The following RXFP2 variants were observed in gnomAD, a reference collection of about 807,000 sequenced individuals.
RXFP2 encodes the protein relaxin family peptide receptor 2, also known as relaxin receptor 2.
A neutral mutation model predicts 88.6 loss-of-function variants in RXFP2; 68 were observed. The observed-to-expected ratio is 0.77, with a 90% CI of 0.63 to 0.94. The LOEUF is 0.94. Among genes scored for constraint, RXFP2 ranks in the 40% least tolerant of loss-of-function variants. The pLI is 0.00. For missense variants in RXFP2, 791 were observed against 893.9 expected, an observed-to-expected ratio of 0.88 and a Z score of 1.47; for synonymous variants, 329 against 306.8, an observed-to-expected ratio of 1.07 and a Z score of -0.76.
chr13:31,782,538 T>A (rs2138441739), intron 10 of RXFP2, 138 bp from the exon 11 acceptor site: 1 of 708,442 alleles, frequency 1.4e-6, no homozygotes, highest in Admixed American at 2.0e-5. Flanking sequence ...TGCCTTAGTT[T>A]CCACTCCAAA....
At chr13:31,792,162 T>G (rs78284646) in intron 15 of RXFP2, 127 bp downstream of exon 15, 1 of 733,152 alleles carries the variant, frequency 1.4e-6, no homozygotes, top group Non-Finnish European at 2.2e-6. Context: ...GGGCACATTT[T>G]TTTTTCTAAA....
At chr13:31,759,395 A>G in intron 2 of RXFP2, among the ~76,000 whole-genome samples, 1 of 145,570 alleles carries the variant, frequency 6.9e-6, no homozygotes, top group African/African-American at 2.5e-5. Context: ...GAAAGAAAGA[A>G]AGAAAGAAAG....
rs192582091 is a variant in RXFP2 at position 31,789,009 on chromosome 13, A to T, written c.1074-113A>T. The T allele has an allele frequency of 2.6e-4, 194 of 748,640 alleles. No individual in the cohort carries two copies. In the African/African-American group the frequency reaches 2.9e-3, roughly 11 times the overall value. The allele number at this position is 748,640 out of a possible 1,614,324, so 46.4% of individuals were successfully genotyped here. ...AGTGTACTGTAAAACTTTCATTCTA[A>T]TCTGCATTGGTAACATAAGATCTTG... is the stretch of plus-strand genomic sequence containing the variant. On this transcript the variant is annotated intron_variant, in intron 13 of 17. Coordinates refer to ENST00000298386, the MANE Select transcript of RXFP2 (RefSeq NM_130806.5).
chr13:31,744,241 T>C (rs1871320332), intron 1 of RXFP2, among the ~76,000 whole-genome samples: 1 of 152,174 alleles, frequency 6.6e-6, no homozygotes, highest in African/African-American at 2.4e-5. Flanking sequence ...TTGTCTACAA[T>C]TCTAAAATCC....
intron 16 of RXFP2, among the ~76,000 whole-genome samples, chr13:31,796,474 T>C (rs1319592456): frequency 6.6e-6 from 1 of 152,116 alleles, no homozygotes; most frequent in Non-Finnish European, 1.5e-5. Flanking sequence ...GGGTTGTTTT[T>C]ATTTTTTGAG....
At chr13:31,742,634 A>G (rs1203855409) in intron 1 of RXFP2, among the ~76,000 whole-genome samples, 1 of 152,210 alleles carries the variant, frequency 6.6e-6, no homozygotes, top group Non-Finnish European at 1.5e-5. Context: ...GTGAATAAAT[A>G]TGACCAGATG....
intron 1 of RXFP2, among the ~76,000 whole-genome samples, chr13:31,751,978 A>T (rs1566214461): frequency 6.6e-6 from 1 of 152,222 alleles, no homozygotes; most frequent in Non-Finnish European, 1.5e-5. Context: ...TTTACCAGTC[A>T]GCAGAAATAA....
chr13:31,789,528 G>A (rs933036436), intron 14 of RXFP2, among the ~76,000 whole-genome samples: 3 of 152,206 alleles, frequency 2.0e-5, no homozygotes, highest in African/African-American at 7.2e-5. Flanking sequence ...TCTCATGAAT[G>A]AGCAGTCGGC....
chr13:31,764,042 T>C (rs527449710), intron 3 of RXFP2, among the ~76,000 whole-genome samples: 60 of 152,202 alleles, frequency 3.9e-4, no homozygotes, highest in Non-Finnish European at 6.9e-4. Context: ...AAAAGTGATC[T>C]AAAAGAAGAA....
chr13:31,774,511 A>G, intron 5 of RXFP2, 109 bp from the exon 6 acceptor site: 2 of 745,744 alleles, frequency 2.7e-6, no homozygotes, highest in Non-Finnish European at 4.9e-6. Context: ...AGGACTTCGT[A>G]CTTCAATTTC....
At chr13:31,764,257 A>T (rs1330061524) in intron 3 of RXFP2, among the ~76,000 whole-genome samples, 3 of 145,950 alleles carry the variant, frequency 2.1e-5, no homozygotes, top group African/African-American at 7.5e-5. Flanking sequence ...ACACACACAC[A>T]CACACACACA....
In RXFP2 at chr13:31,793,064, G is replaced by C; in HGVS notation, c.1762G>C (p.Gly588Arg). ...CCAAACAGAAGATATTGGAAGCAAA[G>C]GGTATTCTCTTGGAATTTTCCTAGG... is the stretch of plus-strand genomic sequence containing the variant. The part of the protein sequence containing the change: ...YDQTEDIGSK[G>R]YSLGIFLGVN... Residue 588 changes from glycine to arginine, a missense_variant, in exon 16 of 18, where the codon GGG becomes CGG. Coordinates refer to ENST00000298386, the MANE Select transcript of RXFP2 (RefSeq NM_130806.5). The C allele has an allele frequency of 6.2e-7, 1 of 1,612,766 alleles. No homozygotes were observed.
At chr13:31,785,769 A>G (rs1873507869) in intron 11 of RXFP2, among the ~76,000 whole-genome samples, 1 of 152,146 alleles carries the variant, frequency 6.6e-6, no homozygotes, top group African/African-American at 2.4e-5. Context: ...TCTGATTTTA[A>G]CAGGTCTCTT....
intron 14 of RXFP2, among the ~76,000 whole-genome samples, chr13:31,790,449 G>A (rs1873740096): frequency 6.6e-6 from 1 of 152,226 alleles, no homozygotes; most frequent in Non-Finnish European, 1.5e-5. Flanking sequence ...AAGCTGAACT[G>A]TAAGCTACTT....
rs1257836899 is a variant in RXFP2 at position 31,795,911 on chromosome 13, T to G, written c.1787-1290T>G. Among the ~76,000 whole-genome samples, 3 of 152,124 alleles carry G rather than the reference T, an allele frequency of 2.0e-5. No individual in the cohort carries two copies. The South Asian group carries it at 6.2e-4, about 32-fold the overall frequency. On this transcript the variant is annotated intron_variant, in intron 16 of 17. Coordinates refer to ENST00000298386, the MANE Select transcript of RXFP2 (RefSeq NM_130806.5). Reference sequence around the variant, plus strand: ...GGCCCAAAAGAATAATTCACATAGTTGAATTTTTAACTTTTTTCTTTTTTT... The same window carrying G: ...GGCCCAAAAGAATAATTCACATAGTGGAATTTTTAACTTTTTTCTTTTTTT...
Position 31,777,398 on chromosome 13 carries a change from A to G in RXFP2, c.664A>G (p.Thr222Ala), listed in dbSNP as rs121918303. The G allele has an allele frequency of 6.2e-7, 1 of 1,611,830 alleles. No individual in the cohort carries two copies. The highest frequency in any genetic ancestry group is 8.5e-7 in the Non-Finnish European group (1 of 1,178,372). The change falls in exon 8 of 18, where the codon ACC (threonine) becomes GCC (alanine). Residue 222 changes from threonine (T) to alanine (A), a missense_variant. Coordinates refer to ENST00000298386, the MANE Select transcript of RXFP2 (RefSeq NM_130806.5). ...TWLILDDNPI[T>A]RISQRLFTGL... ...CAGAATTCTAGATGACAATCCAATA[A>G]CCAGAATTTCACAGCGCTTGTTTAC...
At chr13:31,742,484 C>T (rs991092209) in intron 1 of RXFP2, among the ~76,000 whole-genome samples, 1 of 152,128 alleles carries the variant, frequency 6.6e-6, no homozygotes, top group Non-Finnish European at 1.5e-5. Flanking sequence ...GACCTGCTTG[C>T]GGGCTGAATG....
At chr13:31,754,099 T>A (rs1871808538) in intron 1 of RXFP2, among the ~76,000 whole-genome samples, 1 of 152,210 alleles carries the variant, frequency 6.6e-6, no homozygotes, top group Admixed American at 6.5e-5. Flanking sequence ...ACTTGTTAGA[T>A]GCAACTCAAT....
At chr13:31,794,397 CA>C (rs1229016311) in intron 16 of RXFP2, among the ~76,000 whole-genome samples, 5 of 151,338 alleles carry the variant, frequency 3.3e-5, no homozygotes, top group African/African-American at 1.2e-4. Flanking sequence ...CACACACACA[CA>C]CACACACACA....
Sources: gnomAD v4.1 joint callset for allele counts (sites outside exome capture counted in the v4.1 genomes callset) on GRCh38, gnomAD v4.1.1 for gene constraint, MANE v1.5 for transcripts, NCBI Gene and HGNC (gene_info 2026-07-23, HGNC 2026-07-21) for gene names.